The following PRDM16 variants were observed in gnomAD, a reference collection of about 807,000 sequenced individuals.
The protein encoded by PRDM16 is histone-lysine N-methyltransferase PRDM16.
PRDM16 carries 23 observed loss-of-function variants against 110.6 expected under a neutral mutation model. The observed-to-expected ratio is 0.21, with a 90% CI of 0.15 to 0.29. The LOEUF (loss-of-function observed/expected upper bound fraction) is 0.29. Ranked by LOEUF, PRDM16 falls within the 10% of genes least tolerant of loss-of-function variation. PRDM16 has a pLI of 1.00. For synonymous variants in PRDM16, 799 were observed against 781.8 expected (o/e 1.02, Z -0.37); for missense variants, 1,615 against 1,794.3 (o/e 0.90, Z 1.81).
At chr1:3,357,476 C>G (rs1213526120) in intron 3 of PRDM16, among the ~76,000 whole-genome samples, 3 of 152,096 alleles carry the variant, frequency 2.0e-5, no homozygotes, top group Non-Finnish European at 1.5e-5. Context: ...GGGGCCTGGC[C>G]AGTGGCCCCA....
At chr1:3,134,305 A>C (rs1012947797) in intron 1 of PRDM16, among the ~76,000 whole-genome samples, 4 of 152,236 alleles carry the variant, frequency 2.6e-5, no homozygotes, top group Admixed American at 2.0e-4. Context: ...GCCCCGCTTG[A>C]TTCTTGAAGA....
At chr1:3,106,617 C>A (rs1374419538) in intron 1 of PRDM16, among the ~76,000 whole-genome samples, 1 of 152,042 alleles carries the variant, frequency 6.6e-6, no homozygotes, top group Non-Finnish European at 1.5e-5. Context: ...GCAGAGCTGG[C>A]AGGAACTGGC....
intron 3 of PRDM16, among the ~76,000 whole-genome samples, chr1:3,344,245 G>A (rs192296889): frequency 2.0e-4 from 30 of 152,212 alleles, no homozygotes; most frequent in Non-Finnish European, 3.4e-4. Context: ...GGCTAAGATG[G>A]GAAGATGGTT....
chr1:3,244,175 C>T lies in PRDM16; in HGVS notation c.438+38C>T, dbSNP rs373475171. The T allele has an allele frequency of 1.2e-4, 196 of 1,602,546 alleles. No individual in the cohort carries two copies. Among genetic ancestry groups the T allele is most frequent in the Non-Finnish European group, 1.6e-4 (183 of 1,170,528 alleles). On this transcript the variant is annotated intron_variant, in intron 3 of 16. Transcript: ENST00000270722. This position sits in a 1 kb window ranked among gnomAD's most constrained non-coding sequence, Gnocchi z 4.1. ...GCCCTGCGCCGTCTCAGCTCCCCAGCGTCCTCGGAGCTCCTGGCGGGGCGA... is the reference window on the plus strand; with the variant it reads ...GCCCTGCGCCGTCTCAGCTCCCCAGTGTCCTCGGAGCTCCTGGCGGGGCGA...
intron 1 of PRDM16, among the ~76,000 whole-genome samples, chr1:3,094,480 C>T (rs1011468047): frequency 1.3e-5 from 2 of 152,352 alleles, no homozygotes; most frequent in Admixed American, 6.5e-5. Context: ...CATCAGGATC[C>T]GGTCATTCAG....
chr1:3,282,994 G>C (rs1012367559), intron 3 of PRDM16, among the ~76,000 whole-genome samples: 1 of 152,228 alleles, frequency 6.6e-6, no homozygotes, highest in East Asian at 1.9e-4. Context: ...TCATCTTTCA[G>C]TGCAGAGTCA....
Position 3,141,948 on chromosome 1 carries a change from T to C in PRDM16, c.38-44177T>C, listed in dbSNP as rs1381436170. On this transcript the variant is annotated intron_variant, in intron 1 of 16. Transcript: ENST00000270722. ...TTTTACCTTTTCTGGCCCTCAGGCC[T>C]GCCTGGAACGAGAACACTCATGGTG... Among the ~76,000 whole-genome samples the C allele has an allele frequency of 2.0e-5, 3 of 152,272 alleles. No individual in the cohort carries two copies. In the East Asian group the frequency reaches 5.8e-4, roughly 29 times the overall value.
chr1:3,151,583 G>T (rs1462995665), intron 1 of PRDM16, among the ~76,000 whole-genome samples: 1 of 152,230 alleles, frequency 6.6e-6, no homozygotes, highest in Non-Finnish European at 1.5e-5. Flanking sequence ...TTCCTAGGCA[G>T]CACGTGTGAG....
At chr1:3,077,448 T>G (rs942240344) in intron 1 of PRDM16, among the ~76,000 whole-genome samples, 4 of 152,222 alleles carry the variant, frequency 2.6e-5, no homozygotes, top group Non-Finnish European at 5.9e-5. Flanking sequence ...AGAATAAAAG[T>G]GAGTTTGAAC....
Position 3,109,579 on chromosome 1 carries a change from G to A in PRDM16, c.37+40283G>A, listed in dbSNP as rs931517681. Among the ~76,000 whole-genome samples the A allele has an allele frequency of 5.9e-5, 9 of 152,296 alleles. 1 individual carries two copies. The Middle Eastern group carries it at 0.017, about 288-fold the overall frequency. On this transcript the variant is annotated intron_variant, in intron 1 of 16. Coordinates refer to ENST00000270722, the MANE Select transcript of PRDM16 (RefSeq NM_022114.4). ...GTGAAGCATCACAGACCATTAGACC[G>A]GGGCTTCCGCCGAGGACTAATTGAG...
chr1:3,267,570 C>A lies in PRDM16; in HGVS notation c.438+23433C>A, dbSNP rs562200438. Among the ~76,000 whole-genome samples the A allele has an allele frequency of 2.2e-3, 331 of 152,322 alleles. 1 individual carries two copies. The highest frequency in any genetic ancestry group is 7.3e-3 in the African/African-American group (305 of 41,568). On this transcript the variant is annotated intron_variant, in intron 3 of 16. Transcript: ENST00000270722. ...TATGTCTCACTTTTTGGGGAACCTCCAGACTGTTTACCACAGTGGCTATAC... is the reference window on the plus strand; with the variant it reads ...TATGTCTCACTTTTTGGGGAACCTCAAGACTGTTTACCACAGTGGCTATAC...
chr1:3,283,266 G>A (rs1640755427), intron 3 of PRDM16, among the ~76,000 whole-genome samples: 1 of 152,318 alleles, frequency 6.6e-6, no homozygotes, highest in South Asian at 2.1e-4. Flanking sequence ...GAGGTGCCAG[G>A]GAATGTCTGT....
intron 2 of PRDM16, among the ~76,000 whole-genome samples, chr1:3,189,739 TCAGA>T (rs1638251399): frequency 6.6e-6 from 1 of 152,162 alleles, no homozygotes; most frequent in Non-Finnish European, 1.5e-5. Flanking sequence ...CACTCTGAGC[TCAGA>T]AGTGGGATTC....
chr1:3,292,704 G>A (rs1641004149), intron 3 of PRDM16, among the ~76,000 whole-genome samples: 1 of 152,246 alleles, frequency 6.6e-6, no homozygotes, highest in African/African-American at 2.4e-5. Context: ...AGGTTTGGGG[G>A]TGGAGGTGGC....
intron 1 of PRDM16, among the ~76,000 whole-genome samples, chr1:3,154,625 C>T (rs572006175): frequency 1.3e-4 from 20 of 152,238 alleles, no homozygotes; most frequent in Admixed American, 5.2e-4. Context: ...GGTCCCTGCA[C>T]GGGCACCATT....
Position 3,081,904 on chromosome 1 carries a change from C to A in PRDM16, c.37+12608C>A, listed in dbSNP as rs78789560. ...CCCCTCACAGACCCAGAGGCAGAGG[C>A]CTTCAGGGCCAGCAGTCAGGATGGG... On this transcript the variant is annotated intron_variant, in intron 1 of 16. Coordinates refer to ENST00000270722, the MANE Select transcript of PRDM16 (RefSeq NM_022114.4). The surrounding 1 kb of genome is among the most constrained non-coding windows in gnomAD (Gnocchi z 4.6). 6.6e-6 allele frequency among the ~76,000 whole-genome samples: 1 copy of A among 152,208 alleles called. No homozygotes were observed. Among genetic ancestry groups the A allele is most frequent in the Admixed American group, 6.5e-5 (1 of 15,290 alleles).
chr1:3,093,715 C>T (rs983751757), intron 1 of PRDM16, among the ~76,000 whole-genome samples: 2 of 152,150 alleles, frequency 1.3e-5, no homozygotes, highest in Admixed American at 6.5e-5. Context: ...AGGGAGGGAC[C>T]CCTGCAGCGG....
chr1:3,270,930 C>T (rs138504431), intron 3 of PRDM16, among the ~76,000 whole-genome samples: 90 of 151,764 alleles, frequency 5.9e-4, no homozygotes, highest in Non-Finnish European at 1.1e-3. Flanking sequence ...TGGGGGAGGA[C>T]GGCAGTTCCA....
rs1482031067 is a variant in PRDM16, at chr1:3,259,105, CT to C, written c.438+14969del. On this transcript the variant is annotated intron_variant, in intron 3 of 16. Transcript: ENST00000270722. ...AGGAAGGCCTGGATTGGCGGGCACC[CT>C]GGGTCGGTGGGGAGCTGCAGGGATG... Among the ~76,000 whole-genome samples the C allele has an allele frequency of 2.6e-5, 4 of 152,308 alleles. No homozygotes were observed. In the South Asian group the frequency reaches 8.3e-4, roughly 32 times the overall value.
Sources: allele counts gnomAD v4.1 joint callset (sites outside exome capture counted in the v4.1 genomes callset), GRCh38; gene constraint gnomAD v4.1.1; non-coding constraint Gnocchi (gnomAD v3.1); transcripts MANE v1.5; gene names NCBI Gene and HGNC (gene_info 2026-07-23, HGNC 2026-07-21).